NKAIN3: variants seen among roughly 807,000 people sequenced by gnomAD.
The protein encoded by NKAIN3 is sodium/potassium transporting ATPase interacting 3.
A neutral mutation model predicts 30.2 loss-of-function variants in NKAIN3; 25 were observed. The ratio of observed to expected loss-of-function variants is 0.83; its 90% CI spans 0.60 to 1.16. The LOEUF (loss-of-function observed/expected upper bound fraction) is 1.16, where lower values mean the gene tolerates loss of function less well. Ranked by LOEUF, NKAIN3 falls within the 50% of genes most tolerant of loss-of-function variation. NKAIN3 has a pLI of 0.00. For missense variants in NKAIN3, 225 were observed against 254.1 expected (o/e 0.89, Z 0.78); for synonymous variants, 91 against 89.6 (o/e 1.02, Z -0.09).
chr8:62,586,406 C>G (rs78789443), intron 2 of NKAIN3, among the ~76,000 whole-genome samples: 1 of 152,068 alleles, frequency 6.6e-6, no homozygotes, highest in African/African-American at 2.4e-5. Flanking sequence ...AATTATATAA[C>G]GTATATGACT....
intron 3 of NKAIN3, among the ~76,000 whole-genome samples, chr8:62,725,585 C>A (rs886166960): frequency 6.6e-6 from 1 of 151,912 alleles, no homozygotes; most frequent in Admixed American, 6.6e-5. Flanking sequence ...TTCTGCTTTC[C>A]CAACACAATT....
intron 1 of NKAIN3, among the ~76,000 whole-genome samples, chr8:62,425,267 T>C (rs1394110292): frequency 6.6e-6 from 1 of 151,882 alleles, no homozygotes; most frequent in Non-Finnish European, 1.5e-5. Flanking sequence ...TGAGGGTATG[T>C]CTCATATTAT....
At chr8:62,381,367 G>A (rs1026438941) in intron 1 of NKAIN3, among the ~76,000 whole-genome samples, 9 of 152,038 alleles carry the variant, frequency 5.9e-5, no homozygotes, top group South Asian at 4.2e-4. Context: ...AGCCTAAATC[G>A]TTGATTATGC....
At chr8:62,346,584 G>A (rs1442008088) in intron 1 of NKAIN3, among the ~76,000 whole-genome samples, 1 of 152,072 alleles carries the variant, frequency 6.6e-6, no homozygotes, top group African/African-American at 2.4e-5. Flanking sequence ...CCAGTGTGAA[G>A]GGGCTGACTG....
At chr8:62,570,993 C>A (rs552274542) in intron 1 of NKAIN3, among the ~76,000 whole-genome samples, 1 of 152,028 alleles carries the variant, frequency 6.6e-6, no homozygotes, top group Admixed American at 6.6e-5. Flanking sequence ...CTCTAGCCTA[C>A]GAATTCATGT....
rs567883127 is a variant in NKAIN3 at position 62,359,516 on chromosome 8, G to A, written c.54+110389G>A. On this transcript the variant is annotated intron_variant, in intron 1 of 6. Transcript: ENST00000623646. Reference sequence around the variant, plus strand: ...AGAGCAGAGAGACTTCCTCAGGATCGCTGCCTCGCTTTGGTCCAAGGGAAG... The same window carrying A: ...AGAGCAGAGAGACTTCCTCAGGATCACTGCCTCGCTTTGGTCCAAGGGAAG... Among the ~76,000 whole-genome samples, 18 of 152,300 alleles carry A rather than the reference G, an allele frequency of 1.2e-4. No homozygotes were observed. In the South Asian group the frequency reaches 2.5e-3, roughly 21 times the overall value.
chr8:62,870,064 C>G (rs1481036812), intron 4 of NKAIN3, among the ~76,000 whole-genome samples: 1 of 151,580 alleles, frequency 6.6e-6, no homozygotes, highest in African/African-American at 2.4e-5. Flanking sequence ...GCCACCGCGC[C>G]CAGCCCCAGC....
chr8:62,277,667 T>A (rs961905636), intron 1 of NKAIN3, among the ~76,000 whole-genome samples: 1 of 152,208 alleles, frequency 6.6e-6, no homozygotes, highest in Non-Finnish European at 1.5e-5. Flanking sequence ...GGATTTAAAA[T>A]TTCTCTTGTG....
At chr8:62,620,564 A>G (rs1467695318) in intron 3 of NKAIN3, among the ~76,000 whole-genome samples, 1 of 152,156 alleles carries the variant, frequency 6.6e-6, no homozygotes, top group Non-Finnish European at 1.5e-5. Context: ...ACCTCCCCAA[A>G]AGAGGCAAGT....
At position 62,330,546 on chromosome 8, in the gene NKAIN3, C is replaced by T. The variant is rs867352699; in HGVS notation, c.54+81419C>T. 7.2e-5 allele frequency among the ~76,000 whole-genome samples: 11 copies of T among 151,984 alleles called. No individual in the cohort carries two copies. In the South Asian group the frequency reaches 1.9e-3, roughly 26 times the overall value. ...CACTAAGACCCCTGGACACTTAACC[C>T]ATACCTGCCCCTCCTCTAGTACGGC... On this transcript the variant is annotated intron_variant, in intron 1 of 6. Coordinates refer to ENST00000623646, the MANE Select transcript of NKAIN3 (RefSeq NM_001304533.3).
chr8:62,380,762 T>G (rs1257914969), intron 1 of NKAIN3, among the ~76,000 whole-genome samples: 1 of 152,248 alleles, frequency 6.6e-6, no homozygotes, highest in Non-Finnish European at 1.5e-5. Context: ...TCAAATTACT[T>G]TAAAATGTTA....
chr8:62,934,526 A>G (rs936577786), intron 5 of NKAIN3, among the ~76,000 whole-genome samples: 2 of 152,110 alleles, frequency 1.3e-5, no homozygotes, highest in Admixed American at 6.5e-5. Flanking sequence ...AAGACAGTAC[A>G]ACTCTTGCAA....
chr8:62,859,607 T>C (rs1009147581), intron 4 of NKAIN3, among the ~76,000 whole-genome samples: 3 of 148,312 alleles, frequency 2.0e-5, no homozygotes, highest in Non-Finnish European at 4.5e-5. Flanking sequence ...CATATATGCG[T>C]GTGTGTGTGT....
intron 4 of NKAIN3, among the ~76,000 whole-genome samples, chr8:62,834,149 C>T (rs76272752): frequency 0.012 from 1,771 of 152,008 alleles, 34 homozygotes; most frequent in African/African-American, 0.04. Context: ...AAACACTCAA[C>T]GAATTAGGCT....
At chr8:62,265,765 C>T (rs556523049) in intron 1 of NKAIN3, among the ~76,000 whole-genome samples, 7 of 152,126 alleles carry the variant, frequency 4.6e-5, no homozygotes, top group African/African-American at 9.6e-5. Flanking sequence ...ACACTGTAAC[C>T]GGGTGACTTC....
In NKAIN3 at chr8:62,759,232, G is replaced by A. The variant is rs971872292; in HGVS notation, c.471+12103G>A. ...TAATTTAATTACATAGAACCTTCAT[G>A]GATGGGTTGTTCTGGAGATCTAAAT... On this transcript the variant is annotated intron_variant, in intron 4 of 6. Coordinates refer to ENST00000623646, the MANE Select transcript of NKAIN3 (RefSeq NM_001304533.3). Among the ~76,000 whole-genome samples, 6 of 152,202 alleles carry A rather than the reference G, an allele frequency of 3.9e-5. No individual in the cohort carries two copies. The East Asian group carries it at 1.2e-3, about 29-fold the overall frequency.
chr8:62,339,469 G>A (rs902711683), intron 1 of NKAIN3, among the ~76,000 whole-genome samples: 7 of 151,904 alleles, frequency 4.6e-5, no homozygotes, highest in South Asian at 4.1e-4. Context: ...TTGAACGTCC[G>A]GGGATAAAAG....
chr8:62,550,412 C>A (rs575278746), intron 1 of NKAIN3, among the ~76,000 whole-genome samples: 1 of 152,120 alleles, frequency 6.6e-6, no homozygotes, highest in Non-Finnish European at 1.5e-5. Flanking sequence ...TGCGCGTGTG[C>A]GCGTGTGTGT....
In NKAIN3 at chr8:62,845,126, T is replaced by C. The variant is rs1214757433; in HGVS notation, c.472-73327T>C. On this transcript the variant is annotated intron_variant, in intron 4 of 6. Coordinates refer to ENST00000623646, the MANE Select transcript of NKAIN3 (RefSeq NM_001304533.3). ...AATAAAAAAAAGGAATATTAGATCA[T>C]GTGTTGGATTTTTTTAGGGTTAATA... 4.0e-5 allele frequency among the ~76,000 whole-genome samples: 6 copies of C among 151,524 alleles called. No individual in the cohort carries two copies. The East Asian group carries it at 1.2e-3, about 30-fold the overall frequency.
Sources: gnomAD v4.1 joint callset for allele counts (sites outside exome capture counted in the v4.1 genomes callset) on GRCh38, gnomAD v4.1.1 for gene constraint, MANE v1.5 for transcripts, NCBI Gene and HGNC (gene_info 2026-07-23, HGNC 2026-07-21) for gene names.